Variants in DOK5 observed in about 807,000 individuals in gnomAD.
DOK5 encodes the protein downstream of tyrosine kinase 5.
A neutral mutation model predicts 43.3 loss-of-function variants in DOK5; 27 were observed. The observed-to-expected ratio is 0.62, with a 90% CI of 0.46 to 0.86. The LOEUF (loss-of-function observed/expected upper bound fraction) is 0.86. Ranked by LOEUF, DOK5 falls within the 40% of genes least tolerant of loss-of-function variation. The pLI is 0.00. For missense variants in DOK5, 373 were observed against 392.9 expected (o/e 0.95, Z 0.43); for synonymous variants, 146 against 140.1 (o/e 1.04, Z -0.30).
At chr20:54,615,882 A>G (rs1173046956) in intron 6 of DOK5, among the ~76,000 whole-genome samples, 1 of 147,528 alleles carries the variant, frequency 6.8e-6, no homozygotes, top group Non-Finnish European at 1.5e-5. Flanking sequence ...GCCTGGTGAC[A>G]GAGCGAGACT....
intron 5 of DOK5, among the ~76,000 whole-genome samples, chr20:54,594,927 G>A (rs543513999): frequency 9.9e-5 from 15 of 152,274 alleles, no homozygotes; most frequent in African/African-American, 2.4e-4. Flanking sequence ...AAAAGACCTC[G>A]ATATTTCTCC....
intron 6 of DOK5, among the ~76,000 whole-genome samples, chr20:54,639,164 G>A (rs892130145): frequency 1.1e-4 from 16 of 152,176 alleles, no homozygotes; most frequent in Non-Finnish European, 2.1e-4. Flanking sequence ...GCACAGGCAT[G>A]GCCTCTTCCA....
chr20:54,622,852 G>C (rs1987024865), intron 6 of DOK5, among the ~76,000 whole-genome samples: 1 of 152,140 alleles, frequency 6.6e-6, no homozygotes, highest in South Asian at 2.1e-4. Context: ...GATGAGGACT[G>C]AGAGAAGAAA....
intron 2 of DOK5, among the ~76,000 whole-genome samples, chr20:54,567,650 A>G (rs536582414): frequency 1.3e-5 from 2 of 152,212 alleles, no homozygotes; most frequent in African/African-American, 4.8e-5. Context: ...TTTCAAAGTT[A>G]TTTTAGCTAA....
intron 4 of DOK5, 72 bp from the exon 5 acceptor site, chr20:54,591,544 C>A: frequency 8.4e-7 from 1 of 1,197,184 alleles, no homozygotes; most frequent in South Asian, 1.7e-5. Flanking sequence ...TTTTAAATGC[C>A]TCTATGTTCC....
At chr20:54,577,293 G>A (rs1985483968) in intron 2 of DOK5, among the ~76,000 whole-genome samples, 1 of 152,152 alleles carries the variant, frequency 6.6e-6, no homozygotes, top group Non-Finnish European at 1.5e-5. Context: ...TGATTAAAGT[G>A]AATAGGCTTC....
chr20:54,603,638 T>C (rs1986367369), intron 5 of DOK5, among the ~76,000 whole-genome samples: 2 of 152,124 alleles, frequency 1.3e-5, no homozygotes, highest in African/African-American at 4.8e-5. Flanking sequence ...ATCTAGTGAG[T>C]AGAGGCCGGG....
intron 1 of DOK5, among the ~76,000 whole-genome samples, chr20:54,481,827 C>G (rs928110699): frequency 6.6e-6 from 1 of 152,194 alleles, no homozygotes; most frequent in South Asian, 2.1e-4. Flanking sequence ...TATTTATAAG[C>G]CTCCATCTTC....
chr20:54,644,256 G>A (rs1979262586), intron 7 of DOK5, among the ~76,000 whole-genome samples: 1 of 152,184 alleles, frequency 6.6e-6, no homozygotes, highest in Non-Finnish European at 1.5e-5. Context: ...CCATAGTGTG[G>A]ACAACATGAA....
intron 2 of DOK5, among the ~76,000 whole-genome samples, chr20:54,571,351 T>G (rs1206416638): frequency 6.6e-6 from 1 of 152,150 alleles, no homozygotes; most frequent in Non-Finnish European, 1.5e-5. Flanking sequence ...GGTCAACATG[T>G]GTGGCCAAGC....
At chr20:54,630,481 G>A (rs1378068627) in intron 6 of DOK5, among the ~76,000 whole-genome samples, 1 of 152,158 alleles carries the variant, frequency 6.6e-6, no homozygotes, top group African/African-American at 2.4e-5. Flanking sequence ...ATCCGGGTGG[G>A]AGTGGGAAAT....
intron 1 of DOK5, among the ~76,000 whole-genome samples, chr20:54,530,909 G>A (rs1983749383): frequency 6.6e-6 from 1 of 152,192 alleles, no homozygotes; most frequent in Non-Finnish European, 1.5e-5. Flanking sequence ...CTAAGTTCCT[G>A]TGAGCGGAAT....
intron 7 of DOK5, 71 bp from the exon 8 acceptor site, chr20:54,650,344 T>A: frequency 6.8e-7 from 1 of 1,478,870 alleles, no homozygotes. Context: ...ATAGAGAAAG[T>A]TGTTGCCACC....
In DOK5 at chr20:54,650,644, ATTTTCT is replaced by A; in HGVS notation, c.*176_*181del. On this transcript the variant is annotated 3_prime_UTR_variant, in exon 8 of 8. Transcript: ENST00000262593. Reference sequence around the variant, plus strand: ...ACTCTGCAATACAATAATTTTCTTTATTTTCTTTTTCTTTTTTAAATTCTTAGTGTA... The same window carrying A: ...ACTCTGCAATACAATAATTTTCTTTATTTTCTTTTTTAAATTCTTAGTGTA... 1 of 566,210 alleles carries A rather than the reference ATTTTCT, an allele frequency of 1.8e-6. No homozygotes were observed. 35.1% of individuals were successfully genotyped at this position (566,210 alleles called of 1,614,324 possible).
intron 1 of DOK5, among the ~76,000 whole-genome samples, chr20:54,537,555 G>T (rs147801210): frequency 1.3e-4 from 20 of 152,286 alleles, no homozygotes; most frequent in African/African-American, 4.8e-4. Context: ...TACAATAATT[G>T]AAATTGGATG....
intron 1 of DOK5, among the ~76,000 whole-genome samples, chr20:54,508,772 G>A (rs1175759848): frequency 6.6e-6 from 1 of 151,906 alleles, no homozygotes; most frequent in Non-Finnish European, 1.5e-5. Context: ...TAGAGACGGG[G>A]TTTCTCCATG....
At chr20:54,609,093 C>T (rs1329547378) in intron 5 of DOK5, among the ~76,000 whole-genome samples, 1 of 152,156 alleles carries the variant, frequency 6.6e-6, no homozygotes, top group East Asian at 1.9e-4. Context: ...TGTCATTTGG[C>T]TGTGGTACTG....
intron 1 of DOK5, among the ~76,000 whole-genome samples, chr20:54,553,037 T>G (rs927978422): frequency 1.5e-4 from 23 of 152,210 alleles, no homozygotes; most frequent in African/African-American, 5.1e-4. Flanking sequence ...AACTTTGTAG[T>G]ACATAAAATT....
At chr20:54,630,654 G>A (rs1256120285) in intron 6 of DOK5, among the ~76,000 whole-genome samples, 2 of 152,098 alleles carry the variant, frequency 1.3e-5, no homozygotes, top group Non-Finnish European at 2.9e-5. Flanking sequence ...TTGTTTTTAC[G>A]ATCGTTTCAT....
Sources: gnomAD v4.1 joint callset for allele counts (sites outside exome capture counted in the v4.1 genomes callset) on GRCh38, gnomAD v4.1.1 for gene constraint, MANE v1.5 for transcripts, NCBI Gene and HGNC (gene_info 2026-07-23, HGNC 2026-07-21) for gene names.